The following HEATR5A variants were observed in gnomAD, a reference collection of about 807,000 sequenced individuals.
HEATR5A encodes HEAT repeat containing 5A.
Under a neutral mutation model 218.8 loss-of-function variants are expected in HEATR5A, and 178 were observed. The ratio of observed to expected loss-of-function variants is 0.81; its 90% CI spans 0.72 to 0.92. The LOEUF is 0.92. Among genes scored for constraint, HEATR5A ranks in the 40% least tolerant of loss-of-function variants. The probability of loss-of-function intolerance (pLI) is 0.00; values close to 1 mark genes in which losing one functional copy is unlikely to be tolerated. For missense variants in HEATR5A, 2,420 were observed against 2,418.9 expected (o/e 1.00, Z -0.01); for synonymous variants, 864 against 871.6 (o/e 0.99, Z 0.15).
chr14:31,310,666 A>G (rs1298445102), intron 28 of HEATR5A, among the ~76,000 whole-genome samples: 1 of 152,018 alleles, frequency 6.6e-6, no homozygotes, highest in Non-Finnish European at 1.5e-5. Flanking sequence ...AAATAAGTAA[A>G]TAAATAAATA....
intron 25 of HEATR5A, among the ~76,000 whole-genome samples, chr14:31,318,617 A>G (rs1166384143): frequency 6.6e-6 from 1 of 152,138 alleles, no homozygotes; most frequent in East Asian, 1.9e-4. Context: ...CAGCCTCCCA[A>G]GTAGCTGGGA....
rs531182245 is a variant in HEATR5A, at chr14:31,365,657, C to T, written c.1962-1359G>A. Among the ~76,000 whole-genome samples, 10 of 151,406 alleles carry T rather than the reference C, an allele frequency of 6.6e-5. 1 individual carries two copies. Among genetic ancestry groups the T allele is most frequent in the African/African-American group, 1.7e-4 (7 of 41,240 alleles). On this transcript the variant is annotated intron_variant, in intron 13 of 35. Coordinates refer to ENST00000543095, the MANE Select transcript of HEATR5A (RefSeq NM_015473.4). ...TACAGGCATGAGCCACCATGCCCAG[C>T]GTGTACTTTTTTTGTTGTTGTTGTC...
At chr14:31,320,381 C>G in intron 25 of HEATR5A, 1 of 994,464 alleles carries the variant, frequency 1.0e-6, no homozygotes, top group Non-Finnish European at 1.6e-6. Flanking sequence ...CGCTCCAATG[C>G]CAGCCCCTGA....
chr14:31,410,274 G>A (rs1348170477), intron 1 of HEATR5A, among the ~76,000 whole-genome samples: 5 of 151,940 alleles, frequency 3.3e-5, no homozygotes, highest in Non-Finnish European at 7.4e-5. Flanking sequence ...CCTCAGTTCT[G>A]AACAAAAAGC....
chr14:31,337,504 A>G lies in HEATR5A; in HGVS notation c.3339T>C (p.Ala1113=). ...AEVSEHAVML[A]KDSREELTPD... ...GAGTCAACTCTTCTCTGCTATCCTT[A>G]GCAAGCATAACAGCATGTTCTGAAA... Residue 1113 remains alanine, a synonymous_variant, in exon 22 of 36, where the codon GCT becomes GCC. Transcript: ENST00000543095. The G allele has an allele frequency of 6.4e-7, 1 of 1,554,968 alleles. No homozygotes were observed. The highest frequency in any genetic ancestry group is 1.2e-5 in the South Asian group (1 of 84,224).
intron 11 of HEATR5A, among the ~76,000 whole-genome samples, chr14:31,376,614 T>A (rs1167308683): frequency 1.3e-5 from 2 of 152,134 alleles, no homozygotes; most frequent in South Asian, 2.1e-4. Flanking sequence ...TGGAGATAAA[T>A]CCAAGTTTTT....
intron 21 of HEATR5A, among the ~76,000 whole-genome samples, chr14:31,338,420 T>C (rs1900736196): frequency 6.6e-6 from 1 of 152,174 alleles, no homozygotes; most frequent in African/African-American, 2.4e-5. Flanking sequence ...TACATATTTA[T>C]GTATTGATAG....
chr14:31,357,025 TAC>T (rs1399098780), intron 16 of HEATR5A, among the ~76,000 whole-genome samples: 1 of 152,202 alleles, frequency 6.6e-6, no homozygotes, highest in African/African-American at 2.4e-5. Context: ...AAAAGGCAGT[TAC>T]AGACTAGTTC....
At chr14:31,380,341 T>C (rs2029930554) in intron 11 of HEATR5A, 126 bp downstream of exon 11, 2 of 593,262 alleles carry the variant, frequency 3.4e-6, no homozygotes, top group South Asian at 2.6e-5. Flanking sequence ...ACAAGAAAAA[T>C]GTTTGTGTGG....
rs186071527 is a variant in HEATR5A at position 31,307,709 on chromosome 14, C to G, written c.4818+184G>C. The stretch of plus-strand genomic sequence containing the variant: ...GACAGAAAAGCGGCAGAGTAAGAGG[C>G]ATGATTGTTTTTGGGTCAACACATA... On this transcript the variant is annotated intron_variant, in intron 30 of 35. Transcript: ENST00000543095. Among the ~76,000 whole-genome samples, 23 of 152,286 alleles carry G rather than the reference C, an allele frequency of 1.5e-4. 2 individuals are homozygous for G. Among genetic ancestry groups the G allele is most frequent in the Admixed American group, 1.4e-3 (21 of 15,292 alleles).
intron 26 of HEATR5A, among the ~76,000 whole-genome samples, chr14:31,317,362 T>G (rs1409595080): frequency 3.2e-5 from 4 of 126,874 alleles, no homozygotes; most frequent in African/African-American, 1.2e-4. Context: ...TGGAGTGCAG[T>G]GGCATGATCT....
chr14:31,309,453 T>A (rs539929348), intron 28 of HEATR5A, among the ~76,000 whole-genome samples: 3 of 152,316 alleles, frequency 2.0e-5, no homozygotes, highest in African/African-American at 7.2e-5. Context: ...TAACAACATT[T>A]TTAGAGATTC....
At position 31,291,896 on chromosome 14, in the gene HEATR5A, A is replaced by G. The variant is rs1899045181; in HGVS notation, c.*1409T>C. 1.3e-5 allele frequency: 2 copies of G among 152,138 alleles called. No individual in the cohort carries two copies. The highest frequency in any genetic ancestry group is 4.8e-5 in the African/African-American group (2 of 41,366). The allele number at this position is 152,138 out of a possible 1,614,324, so 9.4% of individuals were successfully genotyped here. The stretch of plus-strand genomic sequence containing the variant: ...AATTTACAATAGTATTTATATACAA[A>G]CATAATAAAATAGGTACATCACATT... On this transcript the variant is annotated 3_prime_UTR_variant, in exon 36 of 36. Transcript: ENST00000543095.
intron 13 of HEATR5A, among the ~76,000 whole-genome samples, chr14:31,369,636 A>AAAC (rs1901953312): frequency 4.3e-5 from 6 of 139,172 alleles, no homozygotes; most frequent in Admixed American, 7.4e-5. Context: ...AAAAAAAAAA[A>AAAC]CCCAAAAATG....
Position 31,386,449 on chromosome 14 carries a change from G to A in HEATR5A, c.1316C>T (p.Ala439Val), listed in dbSNP as rs761700005. Residue 439 changes from alanine to valine, a missense_variant, in exon 9 of 36, where the codon GCG becomes GTG. Coordinates refer to ENST00000543095, the MANE Select transcript of HEATR5A (RefSeq NM_015473.4). ...ACTTGAATCCTGTAGCAAAGGTGCC[G>A]CTGTGGTGCCAAGATTGTGTATGAG... ...GNLIHNLGTT[A>V]APLLQDSSTG... The A allele has an allele frequency of 1.8e-5, 29 of 1,613,556 alleles. No homozygotes were observed. The highest frequency in any genetic ancestry group is 4.5e-5 in the East Asian group (2 of 44,874).
intron 10 of HEATR5A, among the ~76,000 whole-genome samples, chr14:31,381,700 T>C (rs7154881): frequency 0.86 from 130,328 of 152,138 alleles, 56,545 homozygotes; most frequent in Non-Finnish European, 0.94. Context: ...ACGGGAAGAT[T>C]GCTTGAGCCC....
chr14:31,390,552 A>G (rs959052519), intron 6 of HEATR5A, among the ~76,000 whole-genome samples: 2 of 152,208 alleles, frequency 1.3e-5, no homozygotes, highest in African/African-American at 2.4e-5. Flanking sequence ...AGTATAATAA[A>G]CTTTCATATA....
intron 3 of HEATR5A, among the ~76,000 whole-genome samples, chr14:31,400,094 C>T (rs150786749): frequency 1.3e-5 from 2 of 152,290 alleles, no homozygotes; most frequent in Admixed American, 6.5e-5. Context: ...CAAATCTAGA[C>T]TTCAAATACG....
chr14:31,309,277 A>T, intron 28 of HEATR5A, 95 bp from the exon 29 acceptor site: 1 of 1,385,702 alleles, frequency 7.2e-7, no homozygotes, highest in Non-Finnish European at 9.9e-7. Flanking sequence ...CATCACTCCG[A>T]AAGTTCCCTT....
Sources: gnomAD v4.1 joint callset for allele counts (sites outside exome capture counted in the v4.1 genomes callset) on GRCh38, gnomAD v4.1.1 for gene constraint, MANE v1.5 for transcripts, NCBI Gene and HGNC (gene_info 2026-07-23, HGNC 2026-07-21) for gene names.